SCN2A: variants seen among roughly 807,000 people sequenced by gnomAD.
The protein encoded by SCN2A is sodium channel protein type 2 subunit alpha.
SCN2A carries 20 observed loss-of-function variants against 188.7 expected under a neutral mutation model. The ratio of observed to expected loss-of-function variants is 0.11; its 90% CI spans 0.07 to 0.15. The LOEUF is 0.15. Among genes scored for constraint, SCN2A ranks in the 10% least tolerant of loss-of-function variants. The pLI, the probability that SCN2A is intolerant of heterozygous loss-of-function variation, is 1.00. For missense variants in SCN2A, 1,278 were observed against 2,445.0 expected, an observed-to-expected ratio of 0.52 and a Z score of 10.07; for synonymous variants, 804 against 833.1, an observed-to-expected ratio of 0.97 and a Z score of 0.60.
intron 1 of SCN2A, among the ~76,000 whole-genome samples, chr2:165,259,456 A>G (rs959505937): frequency 6.6e-6 from 1 of 152,190 alleles, no homozygotes; most frequent in Non-Finnish European, 1.5e-5. Flanking sequence ...ATTGGAGTCA[A>G]TCTTCTCAAA....
chr2:165,269,760 A>G (rs1222108844), intron 1 of SCN2A: 1 of 152,054 alleles, frequency 6.6e-6, no homozygotes, highest in Non-Finnish European at 1.5e-5. Context: ...ATATATGTAT[A>G]AATTATTACT....
intron 22 of SCN2A, among the ~76,000 whole-genome samples, chr2:165,376,566 A>G (rs1362396725): frequency 2.0e-5 from 3 of 151,880 alleles, no homozygotes; most frequent in Non-Finnish European, 4.4e-5. Flanking sequence ...TAAAAACTTT[A>G]TTGTCTCCCT....
At chr2:165,339,311 C>A (rs1699183518) in intron 14 of SCN2A, among the ~76,000 whole-genome samples, 1 of 151,590 alleles carries the variant, frequency 6.6e-6, no homozygotes, top group Non-Finnish European at 1.5e-5. Context: ...GAATTCTTGC[C>A]CCTTAGAAAA....
chr2:165,370,517 T>C (rs1412682792), intron 20 of SCN2A: 2 of 427,164 alleles, frequency 4.7e-6, no homozygotes, highest in African/African-American at 2.0e-5. Context: ...ACTATACTTA[T>C]TCACTTAATT....
intron 25 of SCN2A, among the ~76,000 whole-genome samples, chr2:165,386,470 TA>T (rs201637062): frequency 5.3e-5 from 8 of 151,072 alleles, no homozygotes; most frequent in Non-Finnish European, 3.0e-5. Context: ...TCTCAAAAAA[TA>T]AAAAAAATTA....
chr2:165,336,933 A>T (rs1228867686), intron 14 of SCN2A, among the ~76,000 whole-genome samples: 1 of 152,044 alleles, frequency 6.6e-6, no homozygotes, highest in African/African-American at 2.4e-5. Flanking sequence ...ATGATATGCA[A>T]CGAAATAGGG....
intron 1 of SCN2A, among the ~76,000 whole-genome samples, chr2:165,251,862 C>T (rs562642150): frequency 2.0e-5 from 3 of 152,102 alleles, no homozygotes; most frequent in East Asian, 1.9e-4. Flanking sequence ...AATACAGGCA[C>T]TGTTGGAATA....
At chr2:165,339,961 C>T (rs1699218994) in intron 14 of SCN2A, among the ~76,000 whole-genome samples, 1 of 152,148 alleles carries the variant, frequency 6.6e-6, no homozygotes, top group South Asian at 2.1e-4. Flanking sequence ...ATCAATGGAA[C>T]ATAATGCTGA....
chr2:165,264,741 A>T (rs1694762105), intron 1 of SCN2A, among the ~76,000 whole-genome samples: 1 of 152,112 alleles, frequency 6.6e-6, no homozygotes, highest in Admixed American at 6.6e-5. Flanking sequence ...TTCCTGTGTT[A>T]CTTTGCTGAG....
chr2:165,241,159 CAT>C (rs1012371304), intron 1 of SCN2A: 4 of 144,520 alleles, frequency 2.8e-5, no homozygotes, highest in African/African-American at 1.0e-4. Flanking sequence ...TGTGTGTGTG[CAT>C]GTGTGTGTGT....
intron 1 of SCN2A, among the ~76,000 whole-genome samples, chr2:165,292,628 T>G (rs1696277189): frequency 6.6e-6 from 1 of 152,234 alleles, no homozygotes; most frequent in East Asian, 1.9e-4. Context: ...ATGAAAATGA[T>G]GAAGCCAGAA....
intron 26 of SCN2A, among the ~76,000 whole-genome samples, chr2:165,387,394 G>T (rs1451620022): frequency 6.6e-6 from 1 of 152,044 alleles, no homozygotes; most frequent in Non-Finnish European, 1.5e-5. Flanking sequence ...ATCATTTGAA[G>T]TAGTCACATA....
At chr2:165,297,841 A>T (rs982998356) in intron 3 of SCN2A, among the ~76,000 whole-genome samples, 5 of 151,928 alleles carry the variant, frequency 3.3e-5, no homozygotes, top group African/African-American at 9.7e-5. Context: ...TTTATTTTTT[A>T]TACTCCTTAT....
At chr2:165,259,531 A>C (rs753554807) in intron 1 of SCN2A, among the ~76,000 whole-genome samples, 3 of 152,210 alleles carry the variant, frequency 2.0e-5, no homozygotes, top group Non-Finnish European at 4.4e-5. Context: ...ATTTCACAAT[A>C]TTCATAGCAT....
At chr2:165,301,539 G>A (rs746569166) in intron 3 of SCN2A, among the ~76,000 whole-genome samples, 8 of 152,002 alleles carry the variant, frequency 5.3e-5, no homozygotes, top group South Asian at 2.1e-4. Flanking sequence ...CAATTCTTTC[G>A]AATCTCAGTT....
At position 165,358,075 on chromosome 2, in the gene SCN2A, A is replaced by T. The variant is rs1700269728; in HGVS notation, c.3399+3404A>T. 2.0e-5 allele frequency among the ~76,000 whole-genome samples: 3 copies of T among 152,312 alleles called. No individual in the cohort carries two copies. In the South Asian group the frequency reaches 6.2e-4, roughly 32 times the overall value. On this transcript the variant is annotated intron_variant, in intron 17 of 26. Transcript: ENST00000375437. ...TTTAGCTGCTAATTTTCTTACATAG[A>T]TTTTAATAGAAATTTTATTCAATGA... is the stretch of plus-strand genomic sequence containing the variant.
chr2:165,278,023 G>A (rs1418898463), intron 1 of SCN2A, among the ~76,000 whole-genome samples: 2 of 152,168 alleles, frequency 1.3e-5, no homozygotes, highest in Non-Finnish European at 2.9e-5. Flanking sequence ...TTGAAAAAGT[G>A]AAAGTGTGTA....
intron 17 of SCN2A, among the ~76,000 whole-genome samples, chr2:165,360,177 T>C (rs571737495): frequency 6.6e-6 from 1 of 152,040 alleles, no homozygotes; most frequent in Non-Finnish European, 1.5e-5. Flanking sequence ...GAAATGTATC[T>C]TAGCTTCATA....
intron 1 of SCN2A, chr2:165,272,956 A>G (rs1483783418): frequency 6.6e-6 from 1 of 152,116 alleles, no homozygotes; most frequent in Non-Finnish European, 1.5e-5. Flanking sequence ...AATGAGAAAG[A>G]GGGTGGGCAA....
Sources: allele counts gnomAD v4.1 joint callset (sites outside exome capture counted in the v4.1 genomes callset), GRCh38; gene constraint gnomAD v4.1.1; transcripts MANE v1.5; gene names NCBI Gene and HGNC (gene_info 2026-07-23, HGNC 2026-07-21).